Variants in SCOC observed in about 807,000 individuals in gnomAD.
SCOC encodes the protein short coiled-coil protein, also known as short coiled coil protein.
Under a neutral mutation model 9.9 loss-of-function variants are expected in SCOC, and 7 were observed. That is an observed-to-expected ratio of 0.71 (90% CI 0.40 to 1.33). The LOEUF is 1.33. Ranked by LOEUF, SCOC falls within the 40% of genes most tolerant of loss-of-function variation. The pLI, the probability that SCOC is intolerant of heterozygous loss-of-function variation, is 0.01. For synonymous variants in SCOC, 19 were observed against 28.2 expected, an observed-to-expected ratio of 0.67 and a Z score of 1.03; for missense variants, 66 against 89.7, an observed-to-expected ratio of 0.74 and a Z score of 1.07.
intron 3 of SCOC, among the ~76,000 whole-genome samples, chr4:140,380,140 A>G (rs1728508274): frequency 6.6e-6 from 1 of 151,586 alleles, no homozygotes; most frequent in Admixed American, 6.6e-5. Context: ...TTTACATTTT[A>G]CAGAGTTAAT....
chr4:140,361,009 G>C (rs1727442730), intron 2 of SCOC: 1 of 151,714 alleles, frequency 6.6e-6, no homozygotes. Flanking sequence ...ATAGGAATTT[G>C]ACACAGAACT....
chr4:140,263,743 A>T (rs1374290684), intron 1 of SCOC, among the ~76,000 whole-genome samples: 1 of 152,142 alleles, frequency 6.6e-6, no homozygotes, highest in Non-Finnish European at 1.5e-5. Flanking sequence ...TAGGTCAGCA[A>T]CCCATGGGTG....
At chr4:140,268,830 T>G (rs900501021) in intron 1 of SCOC, among the ~76,000 whole-genome samples, 5 of 152,206 alleles carry the variant, frequency 3.3e-5, no homozygotes, top group African/African-American at 1.2e-4. Flanking sequence ...CATTGTAGAT[T>G]ACAGCGGGAG....
chr4:140,353,876 C>T (rs1727090285), intron 2 of SCOC, among the ~76,000 whole-genome samples: 6 of 152,246 alleles, frequency 3.9e-5, no homozygotes, highest in Admixed American at 3.9e-4. Context: ...TCAGCCCTTA[C>T]TCACTTTCTT....
chr4:140,373,356 G>C (rs1728144674), upstream of SCOC: 4 of 1,435,832 alleles, frequency 2.8e-6, no homozygotes, highest in South Asian at 3.0e-5. Context: ...TTTCCTGATA[G>C]ACCTGATGAG....
At chr4:140,377,045 T>C (rs1430472052) in intron 1 of SCOC, among the ~76,000 whole-genome samples, 2 of 152,216 alleles carry the variant, frequency 1.3e-5, no homozygotes, top group African/African-American at 4.8e-5. Context: ...CAAAGACAGA[T>C]GCCAAATTGC....
intron 2 of SCOC, among the ~76,000 whole-genome samples, chr4:140,356,949 C>A (rs1458413999): frequency 1.3e-5 from 2 of 151,996 alleles, no homozygotes; most frequent in African/African-American, 2.4e-5. Context: ...ATACATAGTA[C>A]CTTAAAATCT....
intron 1 of SCOC, among the ~76,000 whole-genome samples, chr4:140,310,173 A>T (rs1001412700): frequency 2.0e-5 from 3 of 152,230 alleles, no homozygotes; most frequent in Non-Finnish European, 2.9e-5. Context: ...TTGTCACATG[A>T]AAATCCAAAT....
chr4:140,361,905 G>C (rs918260948), intron 2 of SCOC, among the ~76,000 whole-genome samples: 3 of 152,016 alleles, frequency 2.0e-5, no homozygotes, highest in Admixed American at 6.5e-5. Flanking sequence ...ACAAACTCTA[G>C]AACTCATAAT....
intron 1 of SCOC, among the ~76,000 whole-genome samples, chr4:140,275,666 C>A (rs1730962484): frequency 6.6e-6 from 1 of 152,118 alleles, no homozygotes; most frequent in Admixed American, 6.5e-5. Context: ...CCCTTTTTAT[C>A]TTTCACAGTG....
At chr4:140,365,874 A>C (rs1283680731) in intron 2 of SCOC, among the ~76,000 whole-genome samples, 1 of 152,264 alleles carries the variant, frequency 6.6e-6, no homozygotes, top group African/African-American at 2.4e-5. Context: ...TAGTGCTTCC[A>C]GTCAACATAG....
At chr4:140,325,953 A>C (rs1732632086) in intron 1 of SCOC, among the ~76,000 whole-genome samples, 1 of 152,224 alleles carries the variant, frequency 6.6e-6, no homozygotes, top group Non-Finnish European at 1.5e-5. Context: ...AGGTAATGGA[A>C]TAAGGAACTG....
chr4:140,290,850 A>T (rs368896470), intron 1 of SCOC, among the ~76,000 whole-genome samples: 3 of 152,146 alleles, frequency 2.0e-5, no homozygotes, highest in African/African-American at 7.2e-5. Context: ...CAAACCCCAC[A>T]TCACAGTGGA....
At chr4:140,375,043 G>T (rs561408297) in intron 1 of SCOC, among the ~76,000 whole-genome samples, 1 of 152,310 alleles carries the variant, frequency 6.6e-6, no homozygotes, top group East Asian at 1.9e-4. Flanking sequence ...AAGATGGACG[G>T]GTATTAGGAA....
Position 140,309,554 on chromosome 4 carries a change from T to G in SCOC, c.-18-34067T>G, listed in dbSNP as rs147489612. Among the ~76,000 whole-genome samples the G allele has an allele frequency of 3.2e-3, 488 of 152,292 alleles. 4 individuals carry two copies. Among genetic ancestry groups the G allele is most frequent in the African/African-American group, 0.011 (464 of 41,552 alleles). Reference sequence around the variant, plus strand: ...TCCTTTTACAATCACCACTTTATACTTTGTGGACAAGCACAGTACCCACAG... The same window carrying G: ...TCCTTTTACAATCACCACTTTATACGTTGTGGACAAGCACAGTACCCACAG... On this transcript the variant is annotated intron_variant, in intron 1 of 4. Coordinates refer to the SCOC transcript ENST00000394205.
intron 1 of SCOC, among the ~76,000 whole-genome samples, chr4:140,280,281 A>G (rs966486708): frequency 1.3e-5 from 2 of 151,902 alleles, no homozygotes; most frequent in Non-Finnish European, 2.9e-5. Context: ...ATGCCCTGCT[A>G]ATTTTTGTAT....
chr4:140,270,909 G>A (rs1318851962), intron 1 of SCOC, among the ~76,000 whole-genome samples: 4 of 152,154 alleles, frequency 2.6e-5, no homozygotes, highest in African/African-American at 9.7e-5. Flanking sequence ...ATCCTGAGAA[G>A]TAAGTCATAT....
At chr4:140,262,157 T>C (rs1730646232) in intron 1 of SCOC, among the ~76,000 whole-genome samples, 1 of 152,218 alleles carries the variant, frequency 6.6e-6, no homozygotes, top group African/African-American at 2.4e-5. Context: ...CCATGTAGTT[T>C]GACCAGGGTC....
intron 1 of SCOC, among the ~76,000 whole-genome samples, chr4:140,332,430 G>A (rs1732846000): frequency 7.2e-6 from 1 of 138,944 alleles, no homozygotes; most frequent in Non-Finnish European, 1.5e-5. Context: ...GGAGTGCAGA[G>A]TGCAATGGCA....
Sources: gnomAD v4.1 joint callset for allele counts (sites outside exome capture counted in the v4.1 genomes callset) on GRCh38, gnomAD v4.1.1 for gene constraint, MANE v1.5 for transcripts, NCBI Gene and HGNC (gene_info 2026-07-23, HGNC 2026-07-21) for gene names.